Variants in USH2A observed in about 807,000 individuals in gnomAD.
USH2A encodes usherin, also known as Usher syndrome 2A (autosomal recessive, mild).
In USH2A, 443 loss-of-function variants were observed where a neutral mutation model predicts 538.9. The ratio of observed to expected loss-of-function variants is 0.82; its 90% CI spans 0.76 to 0.89. The LOEUF (loss-of-function observed/expected upper bound fraction) is 0.89, where lower values mean the gene tolerates loss of function less well. USH2A is among the 40% of genes least tolerant of loss of function. The probability of loss-of-function intolerance (pLI) is 0.00; values close to 1 mark genes in which losing one functional copy is unlikely to be tolerated. For synonymous variants in USH2A, 2,413 were observed against 2,273.5 expected, an observed-to-expected ratio of 1.06 and a Z score of -1.75; for missense variants, 6,633 against 6,324.8, an observed-to-expected ratio of 1.05 and a Z score of -1.65.
At chr1:216,301,165 C>T (rs943605674) in intron 9 of USH2A, among the ~76,000 whole-genome samples, 9 of 152,062 alleles carry the variant, frequency 5.9e-5, no homozygotes, top group Admixed American at 2.0e-4. Flanking sequence ...TATTCAGTCA[C>T]TTATACAACA....
chr1:215,659,753 GCA>G (rs1255421139), intron 64 of USH2A, among the ~76,000 whole-genome samples: 3 of 152,116 alleles, frequency 2.0e-5, no homozygotes, highest in Non-Finnish European at 4.4e-5. Context: ...AGCCTAGACT[GCA>G]ACCCTAATCG....
chr1:216,205,759 T>G (rs1015757281), intron 16 of USH2A, among the ~76,000 whole-genome samples: 1 of 152,182 alleles, frequency 6.6e-6, no homozygotes, highest in Non-Finnish European at 1.5e-5. Flanking sequence ...GAATTGCTGT[T>G]CCGAGGTTTC....
chr1:215,655,725 CTT>C (rs766225635), intron 64 of USH2A, among the ~76,000 whole-genome samples: 4 of 96,190 alleles, frequency 4.2e-5, no homozygotes, highest in African/African-American at 7.7e-5. Flanking sequence ...GCTAGTTATT[CTT>C]TTTTTTTTTT....
intron 3 of USH2A, among the ~76,000 whole-genome samples, chr1:216,375,409 T>TTTATG (rs770493920): frequency 5.3e-4 from 80 of 152,338 alleles, no homozygotes; most frequent in Non-Finnish European, 5.7e-4. Flanking sequence ...ACCTTGCACT[T>TTTATG]TTATGTTATG....
rs111233860 is a variant in USH2A, at chr1:216,058,880, T to C, written c.6050-10233A>G. ...CTTTTAAGATAAGTATATTAATCAC[T>C]TACCTTGAGCAAGGTAGTGAACGAG... On this transcript the variant is annotated intron_variant, in intron 30 of 71. Coordinates refer to ENST00000307340, the MANE Select transcript of USH2A (RefSeq NM_206933.4). Among the ~76,000 whole-genome samples the C allele has an allele frequency of 3.0e-3, 454 of 152,292 alleles. 5 individuals carry two copies. Among genetic ancestry groups the C allele is most frequent in the African/African-American group, 0.011 (446 of 41,566 alleles).
chr1:216,352,719 T>G (rs1276647376), intron 4 of USH2A, among the ~76,000 whole-genome samples: 1 of 152,126 alleles, frequency 6.6e-6, no homozygotes, highest in Non-Finnish European at 1.5e-5. Context: ...AATACAGCAG[T>G]AAATTGGGGA....
intron 38 of USH2A, among the ~76,000 whole-genome samples, chr1:215,918,463 T>C (rs1177546635): frequency 6.6e-6 from 1 of 152,070 alleles, no homozygotes; most frequent in Admixed American, 6.6e-5. Context: ...AAAATGACTG[T>C]CTATGAAGAA....
chr1:215,674,129 A>G lies in USH2A; in HGVS notation c.13782T>C (p.Tyr4594=), dbSNP rs1657912251. 6.2e-7 allele frequency: 1 copy of G among 1,614,032 alleles called. No homozygotes were observed. The highest frequency in any genetic ancestry group is 1.1e-5 in the South Asian group (1 of 91,078). Residue 4594 remains tyrosine, a synonymous_variant, in exon 63 of 72, where the codon TAT becomes TAC. Coordinates refer to ENST00000307340, the MANE Select transcript of USH2A (RefSeq NM_206933.4). ...TTHNSFGMQS[Y]IVNQLKPFHR... Reference sequence around the variant, plus strand: ...GAAATGGCTTCAGCTGGTTTACTATATATGACTGCATACCAAAAGAATTAT... The same window carrying G: ...GAAATGGCTTCAGCTGGTTTACTATGTATGACTGCATACCAAAAGAATTAT...
At position 216,207,278 on chromosome 1, in the gene USH2A, G is replaced by C. The variant is rs778168432; in HGVS notation, c.3311C>G (p.Pro1104Arg). 3 of 1,613,880 alleles carry C rather than the reference G, an allele frequency of 1.9e-6. No individual in the cohort carries two copies. Among genetic ancestry groups the C allele is most frequent in the Non-Finnish European group, 2.5e-6 (3 of 1,179,884 alleles). Reference sequence around the variant, plus strand: ...TACCAAACCCTTAAACTCACTGTATGGGTATTGATCCTCTGTTGTGTAGAT... The same window carrying C: ...TACCAAACCCTTAAACTCACTGTATCGGTATTGATCCTCTGTTGTGTAGAT... ...FEIYTTEDQY[P>R]YSIQYFLDTD... The change falls in exon 16 of 72, where the codon CCA (proline) becomes CGA (arginine). Residue 1104 changes from proline to arginine, a missense_variant. Coordinates refer to ENST00000307340, the MANE Select transcript of USH2A (RefSeq NM_206933.4).
rs1015844369 is a variant in USH2A at position 215,634,504 on chromosome 1, C to A, written c.15252G>T (p.Lys5084Asn). The A allele has an allele frequency of 1.9e-6, 3 of 1,614,114 alleles. No homozygotes were observed. In the African/African-American group the frequency reaches 4.0e-5, roughly 22 times the overall value. ...GGTAAACATTCAATGGAGACATCCT[C>A]TTCTGAAGAGGTACCAAGGGAGGTC... ...RERPPLVPLQ[K>N]RMSPLNVYPP... Residue 5084 changes from lysine to asparagine, a missense_variant, in exon 70 of 72, where the codon AAG (lysine) becomes AAT (asparagine). Transcript: ENST00000307340.
chr1:216,295,653 T>A (rs536302335), intron 9 of USH2A, among the ~76,000 whole-genome samples: 1 of 152,062 alleles, frequency 6.6e-6, no homozygotes, highest in East Asian at 1.9e-4. Context: ...TTTCTCACTC[T>A]CCATTTGCTG....
chr1:216,045,476 CTT>C (rs2030470444), intron 32 of USH2A, among the ~76,000 whole-genome samples: 1 of 152,124 alleles, frequency 6.6e-6, no homozygotes, highest in Non-Finnish European at 1.5e-5. Flanking sequence ...ACTTCTGAGT[CTT>C]AAGACTATTA....
Position 216,421,934 on chromosome 1 carries a change from A to C in USH2A, c.403T>G (p.Cys135Gly). The C allele has an allele frequency of 2.5e-6, 4 of 1,613,992 alleles. No homozygotes were observed. The highest frequency in any genetic ancestry group is 3.4e-6 in the Non-Finnish European group (4 of 1,179,934). The part of the protein sequence containing the change: ...ASFIFGNHKS[C>G]FSSPPSPKLM... Reference sequence around the variant, plus strand: ...TTTGGAGAAGGAGGAGAAGAAAAGCAGCTCTTGTGATTTCCAAAAATAAAA... The same window carrying C: ...TTTGGAGAAGGAGGAGAAGAAAAGCCGCTCTTGTGATTTCCAAAAATAAAA... Residue 135 changes from cysteine (C) to glycine (G), a missense_variant, in exon 2 of 72, where the codon TGC (cysteine) becomes GGC (glycine). Coordinates refer to ENST00000307340, the MANE Select transcript of USH2A (RefSeq NM_206933.4).
intron 41 of USH2A, among the ~76,000 whole-genome samples, chr1:215,884,260 A>G (rs1470608672): frequency 6.6e-6 from 1 of 152,264 alleles, no homozygotes; most frequent in Non-Finnish European, 1.5e-5. Flanking sequence ...TATTTTATCC[A>G]GTTTGAAATA....
chr1:215,674,484 C>T lies in USH2A; in HGVS notation c.13427G>A (p.Ser4476Asn). The change falls in exon 63 of 72, where the codon AGT (serine) becomes AAT (asparagine). Residue 4476 changes from serine (S) to asparagine (N), a missense_variant. Physicochemically the swap from Ser to Asn is conservative, Grantham distance 46. Transcript: ENST00000307340. Reference sequence around the variant, plus strand: ...GGTTCCATCCCTCCTAAGTTCATAACTTCTGATCTGGCCATTTGGGTTTCT... The same window carrying T: ...GGTTCCATCCCTCCTAAGTTCATAATTTCTGATCTGGCCATTTGGGTTTCT... ...PPRNPNGQIRSYELRRDGTIV... is the reference protein window; with the variant it reads ...PPRNPNGQIRNYELRRDGTIV... 6.2e-7 allele frequency: 1 copy of T among 1,614,158 alleles called. No homozygotes were observed. Among genetic ancestry groups the T allele is most frequent in the East Asian group, 2.2e-5 (1 of 44,848 alleles).
At chr1:215,835,752 T>C (rs1270824933) in intron 47 of USH2A, among the ~76,000 whole-genome samples, 1 of 152,184 alleles carries the variant, frequency 6.6e-6, no homozygotes, top group African/African-American at 2.4e-5. Context: ...AAACAGTTTG[T>C]TTCCTGTCAT....
intron 21 of USH2A, among the ~76,000 whole-genome samples, chr1:216,147,763 C>A (rs1317129864): frequency 6.6e-6 from 1 of 150,614 alleles, no homozygotes; most frequent in African/African-American, 2.4e-5. Context: ...AACTTCCAAA[C>A]GCCTGAACCG....
chr1:215,965,236 T>G, intron 37 of USH2A, 81 bp downstream of exon 37: 1 of 1,480,022 alleles, frequency 6.8e-7, no homozygotes, highest in Non-Finnish European at 9.3e-7. Context: ...AAAAGAAAGA[T>G]TTTAGCCAAA....
chr1:215,823,542 C>A (rs1331293279), intron 47 of USH2A, among the ~76,000 whole-genome samples: 2 of 152,002 alleles, frequency 1.3e-5, no homozygotes, highest in Non-Finnish European at 2.9e-5. Flanking sequence ...CAAATCTGGT[C>A]TTCTCTGACC....
Sources: gnomAD v4.1 joint callset for allele counts (sites outside exome capture counted in the v4.1 genomes callset) on GRCh38, gnomAD v4.1.1 for gene constraint, MANE v1.5 for transcripts, NCBI Gene and HGNC (gene_info 2026-07-23, HGNC 2026-07-21) for gene names.